KIAA1328: variants seen among roughly 807,000 people sequenced by gnomAD.
The protein encoded by KIAA1328 is KIAA1328.
Under a neutral mutation model 68.1 loss-of-function variants are expected in KIAA1328, and 52 were observed. The observed-to-expected ratio is 0.76, with a 90% CI of 0.61 to 0.96. KIAA1328 has a LOEUF of 0.96. Ranked by LOEUF, KIAA1328 falls within the 40% of genes least tolerant of loss-of-function variation. The pLI, the probability that KIAA1328 is intolerant of heterozygous loss-of-function variation, is 0.00. For missense variants in KIAA1328, 641 were observed against 677.6 expected (o/e 0.95, Z 0.60); for synonymous variants, 232 against 239.4 (o/e 0.97, Z 0.28).
intron 3 of KIAA1328, among the ~76,000 whole-genome samples, chr18:36,843,672 T>C (rs957286611): frequency 2.6e-5 from 4 of 152,192 alleles, no homozygotes; most frequent in Admixed American, 1.3e-4. Context: ...ATAGCGTTGT[T>C]GTGCAAATAA....
intron 6 of KIAA1328, among the ~76,000 whole-genome samples, chr18:36,993,217 T>C (rs974687704): frequency 6.6e-6 from 1 of 152,200 alleles, no homozygotes; most frequent in African/African-American, 2.4e-5. Context: ...AGGAGTTGAA[T>C]GTTAGAAAGG....
At chr18:37,102,150 T>C (rs1309111704) in intron 7 of KIAA1328, among the ~76,000 whole-genome samples, 1 of 152,162 alleles carries the variant, frequency 6.6e-6, no homozygotes, top group Non-Finnish European at 1.5e-5. Flanking sequence ...ATAAAGATAG[T>C]GCACCATGAT....
intron 4 of KIAA1328, among the ~76,000 whole-genome samples, chr18:36,863,612 C>T (rs1445431214): frequency 1.3e-5 from 2 of 152,070 alleles, no homozygotes; most frequent in Non-Finnish European, 2.9e-5. Flanking sequence ...TGGGAAGAAT[C>T]GCTGCCTTTG....
chr18:36,948,115 A>C (rs2050975960), intron 5 of KIAA1328, among the ~76,000 whole-genome samples: 1 of 151,950 alleles, frequency 6.6e-6, no homozygotes, highest in Non-Finnish European at 1.5e-5. Context: ...TTAGAGTTTT[A>C]TTTTTGCAGG....
At chr18:37,219,477 C>G (rs760604560) in intron 9 of KIAA1328, among the ~76,000 whole-genome samples, 46 of 152,326 alleles carry the variant, frequency 3.0e-4, no homozygotes, top group South Asian at 6.2e-4. Context: ...CTGCGGTGGG[C>G]TCCACCCAGT....
chr18:36,891,057 G>A (rs770696108), intron 5 of KIAA1328, among the ~76,000 whole-genome samples: 1 of 152,090 alleles, frequency 6.6e-6, no homozygotes, highest in Non-Finnish European at 1.5e-5. Flanking sequence ...AATTACATTC[G>A]AAAATTAAGA....
chr18:37,008,830 G>A (rs1285851640), intron 6 of KIAA1328, among the ~76,000 whole-genome samples: 1 of 152,002 alleles, frequency 6.6e-6, no homozygotes, highest in Non-Finnish European at 1.5e-5. Flanking sequence ...TTGAAGATAG[G>A]TCAATAGAAA....
intron 7 of KIAA1328, among the ~76,000 whole-genome samples, chr18:37,127,437 A>T (rs2058419568): frequency 6.6e-6 from 1 of 152,182 alleles, no homozygotes; most frequent in African/African-American, 2.4e-5. Flanking sequence ...GGCCAGGTGC[A>T]GTGGTTGACA....
At chr18:36,837,791 C>T (rs1190075469) in intron 3 of KIAA1328, among the ~76,000 whole-genome samples, 1 of 151,846 alleles carries the variant, frequency 6.6e-6, no homozygotes, top group Non-Finnish European at 1.5e-5. Flanking sequence ...TAACTTTATT[C>T]CTTTGCATGT....
intron 5 of KIAA1328, among the ~76,000 whole-genome samples, chr18:36,931,154 C>T (rs188797714): frequency 6.6e-6 from 1 of 152,138 alleles, no homozygotes; most frequent in Non-Finnish European, 1.5e-5. Context: ...AAAAAACTCC[C>T]AAACAATAAA....
At chr18:36,910,825 T>A (rs1456274383) in intron 5 of KIAA1328, among the ~76,000 whole-genome samples, 3 of 151,952 alleles carry the variant, frequency 2.0e-5, no homozygotes, top group Non-Finnish European at 4.4e-5. Context: ...GTTCTCCTTT[T>A]TAAACCTGTG....
intron 7 of KIAA1328, among the ~76,000 whole-genome samples, chr18:37,101,449 A>C (rs1428851035): frequency 2.0e-5 from 3 of 152,220 alleles, no homozygotes; most frequent in Admixed American, 1.3e-4. Context: ...AAATGAAGCG[A>C]GAAGAGAAGT....
chr18:37,028,305 T>C (rs1194141527), intron 6 of KIAA1328, among the ~76,000 whole-genome samples: 4 of 152,174 alleles, frequency 2.6e-5, no homozygotes, highest in African/African-American at 9.6e-5. Flanking sequence ...TTTTTGTGAT[T>C]GGATTGCATT....
rs936557090 is a variant in KIAA1328 at position 37,223,804 on chromosome 18, C to T, written c.*1577C>T. 2 of 985,362 alleles carry T rather than the reference C, an allele frequency of 2.0e-6. No homozygotes were observed. The highest frequency in any genetic ancestry group is 2.4e-6 in the Non-Finnish European group (2 of 829,872). The allele number at this position is 985,362 out of a possible 1,614,324, so 61.0% of individuals were successfully genotyped here. ...AGGCTGAGACTGGCGCTGTCACCTC[C>T]ACCCAGCCTTCTTTCACTTGGGGTT... On this transcript the variant is annotated 3_prime_UTR_variant, in exon 10 of 10. Coordinates refer to ENST00000280020, the MANE Select transcript of KIAA1328 (RefSeq NM_020776.3).
In KIAA1328 at chr18:37,076,561, G is replaced by T. The variant is rs1556874317; in HGVS notation, c.1232+9016G>T. Among the ~76,000 whole-genome samples, 3 of 151,572 alleles carry T rather than the reference G, an allele frequency of 2.0e-5. No homozygotes were observed. In the South Asian group the frequency reaches 6.3e-4, roughly 32 times the overall value. Reference sequence around the variant, plus strand: ...AATCCAGGAGCTGGTTTTTTGAAAGGATCAACAAAATTGATAGACCGCTAG... The same window carrying T: ...AATCCAGGAGCTGGTTTTTTGAAAGTATCAACAAAATTGATAGACCGCTAG... On this transcript the variant is annotated intron_variant, in intron 7 of 9. Transcript: ENST00000280020.
chr18:37,050,259 A>G (rs2055639530), intron 6 of KIAA1328, among the ~76,000 whole-genome samples: 1 of 152,168 alleles, frequency 6.6e-6, no homozygotes, highest in African/African-American at 2.4e-5. Context: ...AAAAAGGTCT[A>G]TACATCTTAT....
At position 36,972,755 on chromosome 18, in the gene KIAA1328, G is replaced by A. The variant is rs79644391; in HGVS notation, c.576+13320G>A. ...GCAGCCAACCTGTCTCTCCTGTCCC[G>A]TTCCTGTCCCAGTAAGCAAACTTCT... On this transcript the variant is annotated intron_variant, in intron 6 of 9. Coordinates refer to ENST00000280020, the MANE Select transcript of KIAA1328 (RefSeq NM_020776.3). Among the ~76,000 whole-genome samples the A allele has an allele frequency of 3.6e-3, 552 of 152,238 alleles. 17 individuals carry two copies. In the East Asian group the frequency reaches 0.083, roughly 23 times the overall value.
At chr18:37,097,063 A>G (rs1235462982) in intron 7 of KIAA1328, among the ~76,000 whole-genome samples, 2 of 152,128 alleles carry the variant, frequency 1.3e-5, no homozygotes, top group Non-Finnish European at 2.9e-5. Flanking sequence ...TGCTGTGCAG[A>G]AGCTCTTTAG....
chr18:37,073,264 ATC>A (rs1430609319), intron 7 of KIAA1328, among the ~76,000 whole-genome samples: 1 of 152,214 alleles, frequency 6.6e-6, no homozygotes, highest in Non-Finnish European at 1.5e-5. Flanking sequence ...CAATCTACCC[ATC>A]TGAAAAAGGT....
Sources: allele counts gnomAD v4.1 joint callset (sites outside exome capture counted in the v4.1 genomes callset), GRCh38; gene constraint gnomAD v4.1.1; transcripts MANE v1.5; gene names NCBI Gene and HGNC (gene_info 2026-07-23, HGNC 2026-07-21).